CCDC3: variants seen among roughly 807,000 people sequenced by gnomAD.
CCDC3 encodes coiled-coil domain-containing protein 3.
CCDC3 carries 24 observed loss-of-function variants against 21.4 expected under a neutral mutation model. That is an observed-to-expected ratio of 1.12 (90% CI 0.81 to 1.58). The LOEUF (loss-of-function observed/expected upper bound fraction) is 1.58, where lower values mean the gene tolerates loss of function less well. Ranked by LOEUF, CCDC3 falls within the 40% of genes most tolerant of loss-of-function variation. The pLI is 0.00. For synonymous variants in CCDC3, 186 were observed against 166.0 expected (o/e 1.12, Z -0.93); for missense variants, 425 against 360.9 (o/e 1.18, Z -1.44).
intron 2 of CCDC3, among the ~76,000 whole-genome samples, chr10:12,951,804 C>CAAAAAAAAAAAAAAAAAAAAAA (rs71924811): frequency 1.7e-5 from 1 of 60,492 alleles, no homozygotes; most frequent in African/African-American, 7.8e-5. Flanking sequence ...GACTTCATCT[C>CAAAAAAAAAAAAAAAAAAAAAA]AAAAAAAAAA....
chr10:13,043,853 T>C (rs1210988927), intron 5 of CCDC3, among the ~76,000 whole-genome samples: 1 of 152,228 alleles, frequency 6.6e-6, no homozygotes, highest in Non-Finnish European at 1.5e-5. Flanking sequence ...ATGATTTATT[T>C]TCCTTTGGAT....
chr10:13,008,719 A>G lies in CCDC3; in HGVS notation c.-1-10207T>C, dbSNP rs1345263247. Among the ~76,000 whole-genome samples the G allele has an allele frequency of 2.0e-5, 3 of 152,350 alleles. No homozygotes were observed. In the East Asian group the frequency reaches 5.8e-4, roughly 29 times the overall value. Reference sequence around the variant, plus strand: ...TATCTGTCCCACAAGTCTTAGAAATATATGTTATATGCTTACAAAAAGAGA... The same window carrying G: ...TATCTGTCCCACAAGTCTTAGAAATGTATGTTATATGCTTACAAAAAGAGA... On this transcript the variant is annotated intron_variant, in intron 5 of 6. Transcript: ENST00000378839.
chr10:12,925,773 T>C (rs1834527708), intron 2 of CCDC3, among the ~76,000 whole-genome samples: 1 of 152,342 alleles, frequency 6.6e-6, no homozygotes, highest in Non-Finnish European at 1.5e-5. Context: ...CATTACATTT[T>C]CCCCAAAACA....
At chr10:13,019,654 G>A (rs1035397351) in intron 5 of CCDC3, among the ~76,000 whole-genome samples, 3 of 152,200 alleles carry the variant, frequency 2.0e-5, no homozygotes, top group Admixed American at 2.0e-4. Flanking sequence ...GACCCCACAT[G>A]ACTCATGATA....
rs531862831 is a variant in CCDC3, at chr10:12,897,412, G to A, written c.*1004C>T. On this transcript the variant is annotated 3_prime_UTR_variant, in exon 3 of 3. Transcript: ENST00000378825. ...CACGTATTCCTATCGGAACAAACAAGGCTTGTTGTGGGGGAAAAGTGTTTG... is the reference window on the plus strand; with the variant it reads ...CACGTATTCCTATCGGAACAAACAAAGCTTGTTGTGGGGGAAAAGTGTTTG... The A allele has an allele frequency of 2.6e-5, 4 of 152,212 alleles. No homozygotes were observed. The highest frequency in any genetic ancestry group is 5.9e-5 in the Non-Finnish European group (4 of 68,064). The allele number at this position is 152,212 out of a possible 1,614,324, so 9.4% of individuals were successfully genotyped here.
intron 2 of CCDC3, among the ~76,000 whole-genome samples, chr10:12,913,987 G>C (rs190040762): frequency 2.6e-5 from 4 of 152,236 alleles, no homozygotes; most frequent in Admixed American, 6.5e-5. Context: ...CAGTTTACTA[G>C]TATTTTCTTG....
intron 2 of CCDC3, among the ~76,000 whole-genome samples, chr10:12,919,757 G>C (rs929425790): frequency 1.3e-5 from 2 of 151,572 alleles, no homozygotes; most frequent in African/African-American, 4.8e-5. Context: ...CGGGGTGGGT[G>C]GGGGGTGGGC....
At chr10:12,945,277 A>G (rs1165810621) in intron 2 of CCDC3, among the ~76,000 whole-genome samples, 4 of 152,198 alleles carry the variant, frequency 2.6e-5, no homozygotes. Flanking sequence ...ACAACTCTAT[A>G]TGCAAGCATA....
rs562402538 is a variant in CCDC3, at chr10:12,998,455, G to A, written c.432C>T (p.Phe144=). Residue 144 remains phenylalanine, a synonymous_variant, in exon 2 of 3, where the codon TTC becomes TTT. Transcript: ENST00000378825. ...PHGVNFQDAI[F]PDTQENRRMF... is the part of the protein sequence containing the mutation. ...TCCTTCTGTTCTCTTGAGTGTCTGG[G>A]AAGATGGCATCTTGGAAATTGACTC... The A allele has an allele frequency of 1.8e-5, 29 of 1,614,118 alleles. 1 individual carries two copies. The South Asian group carries it at 3.0e-4, about 17-fold the overall frequency.
rs748629333 is a variant in CCDC3 at position 13,023,976 on chromosome 10, T to C, written c.-1-25464A>G. Among the ~76,000 whole-genome samples the C allele has an allele frequency of 4.7e-4, 71 of 152,166 alleles. 1 individual carries two copies. Among genetic ancestry groups the C allele is most frequent in the Non-Finnish European group, 2.8e-4 (19 of 68,032 alleles). ...GTGGTACACAGAAGTTACTGGTCCA[T>C]AGCAATTTTGAAATCCAGTAAGGTA... On this transcript the variant is annotated intron_variant, in intron 5 of 6. Transcript: ENST00000378839.
At chr10:12,936,423 AT>A (rs1834738913) in intron 2 of CCDC3, among the ~76,000 whole-genome samples, 1 of 151,834 alleles carries the variant, frequency 6.6e-6, no homozygotes, top group Non-Finnish European at 1.5e-5. Context: ...AGTGGGTGTG[AT>A]CATGGCTCAC....
At chr10:13,066,747 A>G (rs76525586) in intron 4 of CCDC3, among the ~76,000 whole-genome samples, 2,088 of 152,250 alleles carry the variant, frequency 0.014, 51 homozygotes, top group African/African-American at 0.047. Flanking sequence ...CACTGGGGGA[A>G]CGGGGTGGAG....
At chr10:12,900,344 G>A (rs1834072958) in intron 2 of CCDC3, among the ~76,000 whole-genome samples, 1 of 151,940 alleles carries the variant, frequency 6.6e-6, no homozygotes, top group Non-Finnish European at 1.5e-5. Context: ...CATTCCCAAA[G>A]AAAGACTTGA....
At chr10:13,050,311 G>T (rs1435558160) in intron 4 of CCDC3, among the ~76,000 whole-genome samples, 1 of 152,192 alleles carries the variant, frequency 6.6e-6, no homozygotes, top group Admixed American at 6.5e-5. Flanking sequence ...GAATCTGTCA[G>T]ACTGCAGGGA....
intron 5 of CCDC3, among the ~76,000 whole-genome samples, chr10:13,044,647 A>ACT (rs1836500841): frequency 6.6e-6 from 1 of 152,116 alleles, no homozygotes; most frequent in Non-Finnish European, 1.5e-5. Context: ...TGAAGATCAG[A>ACT]TGGCTGCAGG....
At chr10:12,899,650 G>A (rs1834063137) in intron 2 of CCDC3, among the ~76,000 whole-genome samples, 1 of 152,210 alleles carries the variant, frequency 6.6e-6, no homozygotes, top group African/African-American at 2.4e-5. Context: ...TGGTGGTGTA[G>A]CAATGTCTAA....
chr10:12,956,745 G>A (rs1284937949), intron 2 of CCDC3, among the ~76,000 whole-genome samples: 3 of 152,024 alleles, frequency 2.0e-5, no homozygotes, highest in African/African-American at 4.8e-5. Flanking sequence ...ACAACTTTTA[G>A]CACAAAGGAT....
intron 2 of CCDC3, among the ~76,000 whole-genome samples, chr10:12,939,796 C>A (rs1319963198): frequency 6.6e-6 from 1 of 152,118 alleles, no homozygotes; most frequent in Non-Finnish European, 1.5e-5. Context: ...CAAGGCCTGG[C>A]CAATCTCTTT....
At chr10:13,056,827 A>T (rs1836686660) in intron 4 of CCDC3, among the ~76,000 whole-genome samples, 1 of 152,226 alleles carries the variant, frequency 6.6e-6, no homozygotes, top group Admixed American at 6.5e-5. Context: ...AACAGACACC[A>T]AACAAAAATT....
Sources: gnomAD v4.1 joint callset for allele counts (sites outside exome capture counted in the v4.1 genomes callset) on GRCh38, gnomAD v4.1.1 for gene constraint, MANE v1.5 for transcripts, NCBI Gene and HGNC (gene_info 2026-07-23, HGNC 2026-07-21) for gene names.